STK38L: variants seen among roughly 807,000 people sequenced by gnomAD.
The protein encoded by STK38L is serine/threonine kinase 38 like.
A neutral mutation model predicts 59.7 loss-of-function variants in STK38L; 28 were observed. That is an observed-to-expected ratio of 0.47 (90% CI 0.35 to 0.64). The LOEUF is 0.64. Among genes scored for constraint, STK38L ranks in the 30% least tolerant of loss-of-function variants. The pLI is 0.01. For missense variants in STK38L, 314 were observed against 555.8 expected, an observed-to-expected ratio of 0.56 and a Z score of 4.37; for synonymous variants, 162 against 176.8, an observed-to-expected ratio of 0.92 and a Z score of 0.66.
At chr12:27,314,401 CAAAAAA>C (rs35096255) in intron 6 of STK38L, 97 bp from the exon 7 acceptor site, 33 of 677,348 alleles carry the variant, frequency 4.9e-5, no homozygotes, top group East Asian at 1.2e-4. Flanking sequence ...ACTCTGTCTC[CAAAAAA>C]AAAAAAAAAA....
intron 10 of STK38L, 126 bp from the exon 11 acceptor site, chr12:27,317,770 G>A: frequency 8.7e-7 from 1 of 1,144,014 alleles, no homozygotes; most frequent in Non-Finnish European, 1.2e-6. Context: ...ATTGATGAAT[G>A]GTGGCATTTT....
intron 1 of STK38L, among the ~76,000 whole-genome samples, chr12:27,287,900 T>G (rs1943809414): frequency 6.6e-6 from 1 of 152,188 alleles, no homozygotes; most frequent in Admixed American, 6.5e-5. Context: ...TGGTTTTGTT[T>G]GAGACAGAGT....
rs539917036 is a variant in STK38L at position 27,268,688 on chromosome 12, C to T, written c.-12+24356C>T. Among the ~76,000 whole-genome samples, 60 of 152,260 alleles carry T rather than the reference C, an allele frequency of 3.9e-4. 1 individual carries two copies. Among genetic ancestry groups the T allele is most frequent in the African/African-American group, 1.1e-3 (46 of 41,542 alleles). ...TTCTAGTTTTAGATCCCTGAGGAAT[C>T]GCCACACTGACTTCCACAATGGTTG... On this transcript the variant is annotated intron_variant, in intron 1 of 13. Coordinates refer to ENST00000389032, the MANE Select transcript of STK38L (RefSeq NM_015000.4).
intron 1 of STK38L, among the ~76,000 whole-genome samples, chr12:27,264,563 A>T (rs1319756009): frequency 6.6e-6 from 1 of 152,226 alleles, no homozygotes; most frequent in East Asian, 1.9e-4. Context: ...ACTGATTCAA[A>T]CAACTGTGGA....
chr12:27,254,663 T>C (rs1943051081), intron 1 of STK38L, among the ~76,000 whole-genome samples: 1 of 152,218 alleles, frequency 6.6e-6, no homozygotes, highest in Non-Finnish European at 1.5e-5. Flanking sequence ...ATTGTATTTC[T>C]AGGCCAGCGG....
chr12:27,251,054 A>G (rs12322726), intron 1 of STK38L, among the ~76,000 whole-genome samples: 11,932 of 150,310 alleles, frequency 0.079, 593 homozygotes, highest in Middle Eastern at 0.14. Context: ...TCTCTCTTAC[A>G]TTGCATTATT....
intron 1 of STK38L, among the ~76,000 whole-genome samples, chr12:27,268,778 C>T (rs1943355542): frequency 1.3e-5 from 2 of 152,156 alleles, no homozygotes; most frequent in Admixed American, 6.5e-5. Context: ...TCTCCAGCAC[C>T]TGTTGTTTCC....
intron 6 of STK38L, among the ~76,000 whole-genome samples, chr12:27,313,793 A>T (rs1479106773): frequency 3.3e-5 from 5 of 152,202 alleles, no homozygotes; most frequent in Admixed American, 2.0e-4. Flanking sequence ...TAAAACTTTT[A>T]AAATTCCTTG....
intron 6 of STK38L, 85 bp from the exon 7 acceptor site, chr12:27,314,419 A>AAT: frequency 1.7e-6 from 2 of 1,165,266 alleles, no homozygotes; most frequent in Non-Finnish European, 2.3e-6. Context: ...AAAAAAAAAA[A>AAT]GTAAAAAAAG....
intron 1 of STK38L, among the ~76,000 whole-genome samples, chr12:27,271,235 T>C (rs1381553609): frequency 6.6e-6 from 1 of 152,248 alleles, no homozygotes; most frequent in East Asian, 1.9e-4. Flanking sequence ...CGTAGATTCA[T>C]AGGTATCTGA....
In STK38L at chr12:27,297,813, T is replaced by C. The variant is rs372289940; in HGVS notation, c.93T>C (p.Phe31=). Reference sequence around the variant, plus strand: ...TAGCCAAGCTCACATTGGAGAATTTTTATAGCAACCTAATTTTACAGCATG... The same window carrying C: ...TAGCCAAGCTCACATTGGAGAATTTCTATAGCAACCTAATTTTACAGCATG... ...VTVAKLTLEN[F]YSNLILQHEE... Residue 31 remains phenylalanine (F), a synonymous_variant, in exon 2 of 14, where the codon TTT becomes TTC. Coordinates refer to ENST00000389032, the MANE Select transcript of STK38L (RefSeq NM_015000.4). The C allele has an allele frequency of 6.2e-7, 1 of 1,614,086 alleles. No homozygotes were observed. Among genetic ancestry groups the C allele is most frequent in the Non-Finnish European group, 8.5e-7 (1 of 1,180,002 alleles).
chr12:27,256,975 G>T (rs1057095198), intron 1 of STK38L, among the ~76,000 whole-genome samples: 54 of 152,296 alleles, frequency 3.5e-4, no homozygotes, highest in Non-Finnish European at 6.9e-4. Context: ...ATAGAAGCTG[G>T]ATATGGATTG....
At chr12:27,245,377 T>G (rs1942827443) in intron 1 of STK38L, among the ~76,000 whole-genome samples, 1 of 152,240 alleles carries the variant, frequency 6.6e-6, no homozygotes, top group African/African-American at 2.4e-5. Flanking sequence ...GTGATTTAAG[T>G]TCTGCCTCTT....
intron 1 of STK38L, among the ~76,000 whole-genome samples, chr12:27,250,225 C>T (rs111564282): frequency 3.3e-5 from 5 of 152,274 alleles, no homozygotes; most frequent in East Asian, 3.9e-4. Flanking sequence ...TTTATGAATA[C>T]GGTTATTGCT....
intron 1 of STK38L, among the ~76,000 whole-genome samples, chr12:27,289,114 T>C (rs940776555): frequency 6.6e-6 from 1 of 152,200 alleles, no homozygotes; most frequent in Non-Finnish European, 1.5e-5. Context: ...CTGAACATTT[T>C]TTTGCAGACA....
At chr12:27,277,354 A>AAC (rs138808945) in intron 1 of STK38L, among the ~76,000 whole-genome samples, 102,336 of 149,978 alleles carry the variant, frequency 0.68, 36,088 homozygotes, top group Non-Finnish European at 0.78. Flanking sequence ...CATCTCAAAA[A>AAC]ACACACACAC....
intron 6 of STK38L, among the ~76,000 whole-genome samples, chr12:27,313,855 A>G (rs1944519002): frequency 6.6e-6 from 1 of 152,214 alleles, no homozygotes; most frequent in Non-Finnish European, 1.5e-5. Flanking sequence ...ATGTCCCACT[A>G]AACTCTAAAA....
At chr12:27,276,150 C>T (rs756607067) in intron 1 of STK38L, among the ~76,000 whole-genome samples, 3 of 152,048 alleles carry the variant, frequency 2.0e-5, no homozygotes, top group South Asian at 2.1e-4. Context: ...GTAAACTGTA[C>T]CTCCCTGTGT....
intron 5 of STK38L, among the ~76,000 whole-genome samples, chr12:27,310,603 A>C (rs1944431917): frequency 6.6e-6 from 1 of 152,250 alleles, no homozygotes; most frequent in African/African-American, 2.4e-5. Flanking sequence ...TTTTATATTG[A>C]TTACATACTA....
Sources: gnomAD v4.1 joint callset for allele counts (sites outside exome capture counted in the v4.1 genomes callset) on GRCh38, gnomAD v4.1.1 for gene constraint, MANE v1.5 for transcripts, NCBI Gene and HGNC (gene_info 2026-07-23, HGNC 2026-07-21) for gene names.